SLC39A14: variants seen among roughly 807,000 people sequenced by gnomAD.
SLC39A14 encodes the protein metal cation symporter ZIP14.
A neutral mutation model predicts 45.5 loss-of-function variants in SLC39A14; 19 were observed. That is an observed-to-expected ratio of 0.42 (90% CI 0.29 to 0.61). SLC39A14 has a LOEUF of 0.61. Ranked by LOEUF, SLC39A14 falls within the 20% of genes least tolerant of loss-of-function variation. SLC39A14 has a pLI of 0.22. For synonymous variants in SLC39A14, 264 were observed against 251.3 expected (o/e 1.05, Z -0.48); for missense variants, 447 against 616.5 (o/e 0.73, Z 2.91).
At chr8:22,427,925 T>C (rs548182872) in intron 8 of SLC39A14, among the ~76,000 whole-genome samples, 3 of 152,228 alleles carry the variant, frequency 2.0e-5, no homozygotes, top group African/African-American at 4.8e-5. Context: ...TCCCAGTGCA[T>C]TGGGAGATTG....
At chr8:22,395,220 G>A (rs1227125314) in intron 1 of SLC39A14, among the ~76,000 whole-genome samples, 1 of 152,086 alleles carries the variant, frequency 6.6e-6, no homozygotes, top group Non-Finnish European at 1.5e-5. Context: ...ATATTGACCA[G>A]GTTGGTCTTG....
At chr8:22,431,181 G>T (rs997621946) in intron 8 of SLC39A14, among the ~76,000 whole-genome samples, 21 of 151,758 alleles carry the variant, frequency 1.4e-4, no homozygotes, top group African/African-American at 4.1e-4. Context: ...TAGAGACAGG[G>T]TTTCACTGTG....
chr8:22,415,650 C>T, intron 5 of SLC39A14, 119 bp from the exon 6 acceptor site: 1 of 910,944 alleles, frequency 1.1e-6, no homozygotes, highest in African/African-American at 1.7e-5. Flanking sequence ...CTGCTTGTGT[C>T]ATCTTCGATG....
rs779489350 is a variant in SLC39A14 at position 22,414,916 on chromosome 8, G to T, written c.750+14G>T. On this transcript the variant is annotated intron_variant, in intron 5 of 8. Transcript: ENST00000381237. The stretch of plus-strand genomic sequence containing the variant: ...CAGAAAAATGAGGTGAGGCCCAATT[G>T]TTGCTGAAGAAAGCTCTTCTAGGGA... 6 of 1,609,404 alleles carry T rather than the reference G, an allele frequency of 3.7e-6. No homozygotes were observed. The Admixed American group carries it at 5.1e-5, about 14-fold the overall frequency.
chr8:22,381,277 C>CT (rs1232288996), intron 1 of SLC39A14, among the ~76,000 whole-genome samples: 4 of 140,932 alleles, frequency 2.8e-5, no homozygotes, highest in Admixed American at 7.1e-5. Context: ...CAGCCCTACT[C>CT]TTTTTTTTTC....
At chr8:22,379,701 C>T (rs1027635935) in intron 1 of SLC39A14, among the ~76,000 whole-genome samples, 2 of 152,012 alleles carry the variant, frequency 1.3e-5, no homozygotes, top group Non-Finnish European at 1.5e-5. Flanking sequence ...GAGGCCGAGG[C>T]GGGTGGATCA....
chr8:22,426,188 G>A (rs544491832), downstream of SLC39A14, among the ~76,000 whole-genome samples: 3 of 151,854 alleles, frequency 2.0e-5, no homozygotes, highest in South Asian at 2.1e-4. Context: ...CACCGCGCCC[G>A]GCTTGTTTTT....
chr8:22,396,046 G>A (rs1297021005), intron 1 of SLC39A14, among the ~76,000 whole-genome samples: 2 of 152,112 alleles, frequency 1.3e-5, no homozygotes, highest in Admixed American at 6.6e-5. Context: ...ACTTCCTTGG[G>A]AGTTGTATTC....
At chr8:22,426,683 GCTCT>G (rs1156824476), downstream of SLC39A14, among the ~76,000 whole-genome samples, 2 of 151,896 alleles carry the variant, frequency 1.3e-5, no homozygotes, top group South Asian at 2.1e-4. Flanking sequence ...TAAATGATAT[GCTCT>G]CTCTCTTTTT....
intron 4 of SLC39A14, among the ~76,000 whole-genome samples, chr8:22,413,518 T>C (rs1020340321): frequency 6.6e-6 from 1 of 152,172 alleles, no homozygotes; most frequent in Non-Finnish European, 1.5e-5. Context: ...TCGACTCCCC[T>C]GGAAAGTCAA....
At chr8:22,380,702 G>A (rs1210892652) in intron 1 of SLC39A14, among the ~76,000 whole-genome samples, 5 of 151,706 alleles carry the variant, frequency 3.3e-5, no homozygotes, top group African/African-American at 7.3e-5. Flanking sequence ...CCAGAGATGG[G>A]GTCTCACTCT....
chr8:22,377,874 A>T (rs141543458), intron 1 of SLC39A14, among the ~76,000 whole-genome samples: 8 of 152,318 alleles, frequency 5.3e-5, no homozygotes, highest in African/African-American at 1.9e-4. Context: ...CTTGATCAGC[A>T]TCTTACCTGC....
chr8:22,388,731 C>T (rs1833914369), intron 1 of SLC39A14, among the ~76,000 whole-genome samples: 1 of 152,124 alleles, frequency 6.6e-6, no homozygotes, highest in Non-Finnish European at 1.5e-5. Flanking sequence ...AAGGCCTTAA[C>T]TTCAGTAATG....
At position 22,420,481 on chromosome 8, in the gene SLC39A14, A is replaced by C; in HGVS notation, c.*783A>C. 1.0e-6 allele frequency: 1 copy of C among 985,432 alleles called. No homozygotes were observed. The highest frequency in any genetic ancestry group is 1.2e-6 in the Non-Finnish European group (1 of 829,958). The allele number at this position is 985,432 out of a possible 1,614,324, so 61.0% of individuals were successfully genotyped here. On this transcript the variant is annotated 3_prime_UTR_variant, in exon 9 of 9. Coordinates refer to ENST00000381237, the MANE Select transcript of SLC39A14 (RefSeq NM_001128431.4). ...CAGAATGGAGGCTCAGGCTGTCTGCAAGAAAACAGTTGGTTTGGCTGTGAT... is the reference window on the plus strand; with the variant it reads ...CAGAATGGAGGCTCAGGCTGTCTGCCAGAAAACAGTTGGTTTGGCTGTGAT...
downstream of SLC39A14, among the ~76,000 whole-genome samples, chr8:22,426,526 T>C (rs546261661): frequency 9.8e-5 from 15 of 152,318 alleles, no homozygotes; most frequent in Non-Finnish European, 1.6e-4. Flanking sequence ...GGTTTACTTA[T>C]AGATTTGTGG....
At chr8:22,399,381 C>T (rs1834718120) in intron 1 of SLC39A14, among the ~76,000 whole-genome samples, 1 of 152,256 alleles carries the variant, frequency 6.6e-6, no homozygotes. Context: ...GAGCAGAAAA[C>T]TCCCCTTTCA....
At chr8:22,399,412 T>C (rs1426566144) in intron 1 of SLC39A14, among the ~76,000 whole-genome samples, 3 of 152,068 alleles carry the variant, frequency 2.0e-5, no homozygotes, top group Non-Finnish European at 4.4e-5. Context: ...AAGGCCGGGG[T>C]CACTTGGACT....
intron 1 of SLC39A14, among the ~76,000 whole-genome samples, chr8:22,401,352 C>T (rs531378883): frequency 6.6e-6 from 1 of 152,232 alleles, no homozygotes; most frequent in Admixed American, 6.5e-5. Flanking sequence ...GAAATGGCTG[C>T]AGTGATTGGC....
At position 22,420,540 on chromosome 8, in the gene SLC39A14, G is replaced by C; in HGVS notation, c.*842G>C. ...CCTCTTCCCCACTGCCATCTTCTAA[G>C]AGACTTTGTAGCTGCCTCCTAGAAG... On this transcript the variant is annotated 3_prime_UTR_variant, in exon 9 of 9. Coordinates refer to ENST00000381237, the MANE Select transcript of SLC39A14 (RefSeq NM_001128431.4). 1 of 985,440 alleles carries C rather than the reference G, an allele frequency of 1.0e-6. No individual in the cohort carries two copies. The allele number at this position is 985,440 out of a possible 1,614,324, so 61.0% of individuals were successfully genotyped here.
Sources: allele counts gnomAD v4.1 joint callset (sites outside exome capture counted in the v4.1 genomes callset), GRCh38; gene constraint gnomAD v4.1.1; transcripts MANE v1.5; gene names NCBI Gene and HGNC (gene_info 2026-07-23, HGNC 2026-07-21).